The following SLC9A9 variants were observed in gnomAD, a reference collection of about 807,000 sequenced individuals.
The protein encoded by SLC9A9 is solute carrier family 9 member A9, also known as sodium/hydrogen exchanger 9.
SLC9A9 carries 62 observed loss-of-function variants against 77.8 expected under a neutral mutation model. The observed-to-expected ratio is 0.80, with a 90% CI of 0.65 to 0.98. The LOEUF (loss-of-function observed/expected upper bound fraction) is 0.98, where lower values mean the gene tolerates loss of function less well. SLC9A9 is among the 50% of genes least tolerant of loss of function. The pLI, the probability that SLC9A9 is intolerant of heterozygous loss-of-function variation, is 0.00. For missense variants in SLC9A9, 775 were observed against 774.9 expected (o/e 1.00, Z 0.00); for synonymous variants, 320 against 283.5 (o/e 1.13, Z -1.29).
intron 14 of SLC9A9, among the ~76,000 whole-genome samples, chr3:143,320,709 G>A (rs146378124): frequency 5.3e-4 from 81 of 152,256 alleles, no homozygotes; most frequent in African/African-American, 1.7e-3. Context: ...ATTGGGAATC[G>A]CATTTCAACA....
intron 4 of SLC9A9, among the ~76,000 whole-genome samples, chr3:143,711,710 C>G (rs1251556616): frequency 2.0e-5 from 3 of 151,952 alleles, no homozygotes; most frequent in Non-Finnish European, 2.9e-5. Flanking sequence ...TAGGCATGAG[C>G]CACAGCTCCA....
intron 5 of SLC9A9, among the ~76,000 whole-genome samples, chr3:143,665,434 G>A (rs527984416): frequency 1.3e-5 from 2 of 152,260 alleles, no homozygotes; most frequent in East Asian, 1.9e-4. Flanking sequence ...AACTAGAGAA[G>A]CAAGAGCAAG....
chr3:143,651,089 G>A (rs1319180149), intron 6 of SLC9A9, among the ~76,000 whole-genome samples: 2 of 152,170 alleles, frequency 1.3e-5, no homozygotes, highest in Non-Finnish European at 2.9e-5. Flanking sequence ...TTTTTAAAGA[G>A]TTTTACTCCA....
chr3:143,310,376 G>T (rs1307379132), intron 14 of SLC9A9, among the ~76,000 whole-genome samples: 3 of 152,158 alleles, frequency 2.0e-5, no homozygotes, highest in Non-Finnish European at 4.4e-5. Flanking sequence ...CCATAAGGCT[G>T]GGTAATAATC....
intron 11 of SLC9A9, among the ~76,000 whole-genome samples, chr3:143,491,983 G>A (rs938570779): frequency 6.6e-6 from 1 of 152,046 alleles, no homozygotes; most frequent in East Asian, 1.9e-4. Context: ...GTTTATTACT[G>A]TTCTAAGTCA....
intron 12 of SLC9A9, among the ~76,000 whole-genome samples, chr3:143,424,044 G>C (rs894996839): frequency 6.6e-6 from 1 of 152,080 alleles, no homozygotes; most frequent in Non-Finnish European, 1.5e-5. Context: ...AGATTAAAGG[G>C]GACTAAAGGG....
intron 8 of SLC9A9, among the ~76,000 whole-genome samples, chr3:143,554,746 C>T (rs1416008176): frequency 6.6e-6 from 1 of 152,184 alleles, no homozygotes; most frequent in Non-Finnish European, 1.5e-5. Context: ...TCCCCACCGC[C>T]TTACCTTTCA....
chr3:143,556,977 G>T (rs578066110), intron 8 of SLC9A9, among the ~76,000 whole-genome samples: 1 of 152,094 alleles, frequency 6.6e-6, no homozygotes, highest in Non-Finnish European at 1.5e-5. Flanking sequence ...GGTTGGAATT[G>T]GTATTTTTAA....
intron 4 of SLC9A9, among the ~76,000 whole-genome samples, chr3:143,734,987 C>A (rs1364888714): frequency 6.6e-6 from 1 of 152,146 alleles, no homozygotes; most frequent in Non-Finnish European, 1.5e-5. Context: ...TACATTGATT[C>A]AATCTGGCCA....
chr3:143,746,552 T>C (rs1264645454), intron 4 of SLC9A9, among the ~76,000 whole-genome samples: 1 of 152,198 alleles, frequency 6.6e-6, no homozygotes, highest in Non-Finnish European at 1.5e-5. Context: ...AATCTAGAGG[T>C]CTCTCAATCA....
chr3:143,402,074 G>A (rs1006091047), intron 12 of SLC9A9, among the ~76,000 whole-genome samples: 7 of 152,222 alleles, frequency 4.6e-5, no homozygotes, highest in South Asian at 2.1e-4. Context: ...TAAGTGGAAG[G>A]AAGCTCAGAT....
intron 14 of SLC9A9, among the ~76,000 whole-genome samples, chr3:143,296,327 G>A (rs1266948141): frequency 6.6e-6 from 1 of 152,156 alleles, no homozygotes; most frequent in Non-Finnish European, 1.5e-5. Flanking sequence ...TTGTCCTTTT[G>A]TGACTGGCTT....
intron 2 of SLC9A9, among the ~76,000 whole-genome samples, chr3:143,812,656 C>T (rs1475710442): frequency 1.3e-5 from 2 of 152,182 alleles, no homozygotes; most frequent in Non-Finnish European, 2.9e-5. Context: ...TTATCACTTC[C>T]TAGTCCCTAA....
chr3:143,751,398 C>A (rs2006711860), intron 4 of SLC9A9, among the ~76,000 whole-genome samples: 1 of 152,132 alleles, frequency 6.6e-6, no homozygotes, highest in Admixed American at 6.5e-5. Context: ...TCTGAGCTCC[C>A]TATGGGGATT....
intron 9 of SLC9A9, among the ~76,000 whole-genome samples, chr3:143,550,187 A>C (rs2036855668): frequency 6.6e-6 from 1 of 152,200 alleles, no homozygotes; most frequent in Non-Finnish European, 1.5e-5. Flanking sequence ...GTAAGCTTTC[A>C]GGAAATCCTG....
rs1418857475 is a variant in SLC9A9 at position 143,720,826 on chromosome 3, C to CAATGA, written c.534-27520_534-27519insTCATT. Reference sequence around the variant, plus strand: ...TTCAAATCGCTTTTCTGGGTCCAGCCCATATTGGCTGTCTAGGGATGGGAA... The same window carrying CAATGA: ...TTCAAATCGCTTTTCTGGGTCCAGCCAATGACATATTGGCTGTCTAGGGATGGGAA... On this transcript the variant is annotated intron_variant, in intron 4 of 15. Transcript: ENST00000316549. 8.3e-3 allele frequency among the ~76,000 whole-genome samples: 1,259 copies of CAATGA among 152,252 alleles called. 18 individuals are homozygous for CAATGA. Among genetic ancestry groups the CAATGA allele is most frequent in the African/African-American group, 0.029 (1,212 of 41,500 alleles).
intron 13 of SLC9A9, among the ~76,000 whole-genome samples, chr3:143,369,654 T>TA (rs775120069): frequency 1.6e-4 from 25 of 151,730 alleles, no homozygotes; most frequent in Non-Finnish European, 3.4e-4. Flanking sequence ...ATTTTAAAAT[T>TA]AAAAAAAAAT....
intron 12 of SLC9A9, among the ~76,000 whole-genome samples, chr3:143,430,034 T>G (rs1256620060): frequency 2.0e-5 from 3 of 152,202 alleles, no homozygotes; most frequent in Non-Finnish European, 4.4e-5. Flanking sequence ...CATTCCAAGT[T>G]TAGGTTCAAG....
chr3:143,426,114 A>C (rs2034400618), intron 12 of SLC9A9, among the ~76,000 whole-genome samples: 1 of 152,186 alleles, frequency 6.6e-6, no homozygotes. Context: ...AGTGCCCAAG[A>C]ATCAATTACA....
Sources: gnomAD v4.1 joint callset for allele counts (sites outside exome capture counted in the v4.1 genomes callset) on GRCh38, gnomAD v4.1.1 for gene constraint, MANE v1.5 for transcripts, NCBI Gene and HGNC (gene_info 2026-07-23, HGNC 2026-07-21) for gene names.